ARHGAP6: variants seen among roughly 807,000 people sequenced by gnomAD.
ARHGAP6 encodes rho GTPase-activating protein 6.
ARHGAP6 carries 16 observed loss-of-function variants against 55.7 expected under a neutral mutation model. The observed-to-expected ratio is 0.29, with a 90% CI of 0.19 to 0.44. The LOEUF (loss-of-function observed/expected upper bound fraction) is 0.44, where lower values mean the gene tolerates loss of function less well. Among genes scored for constraint, ARHGAP6 ranks in the 20% least tolerant of loss-of-function variants. The pLI is 1.00. For missense variants in ARHGAP6, 698 were observed against 808.9 expected (o/e 0.86, Z 1.66); for synonymous variants, 382 against 360.9 (o/e 1.06, Z -0.66).
chrX:11,211,320 C>G (rs371402374), intron 2 of ARHGAP6, among the ~76,000 whole-genome samples: 1 of 103,555 alleles, frequency 9.7e-6, no homozygotes, highest in East Asian at 3.0e-4. Flanking sequence ...CTCCTGGGTT[C>G]ACGCCATTCT....
At chrX:11,620,485 C>A (rs2052215132) in intron 1 of ARHGAP6, among the ~76,000 whole-genome samples, 1 of 112,376 alleles carries the variant, frequency 8.9e-6, no homozygotes, top group Admixed American at 9.4e-5. Context: ...GAAGCCAAAG[C>A]CTGATGGGTG....
At chrX:11,473,108 G>A (rs1015315174) in intron 1 of ARHGAP6, among the ~76,000 whole-genome samples, 3 of 111,181 alleles carry the variant, frequency 2.7e-5, no homozygotes, top group Non-Finnish European at 3.8e-5. Context: ...TCTCTCGGGA[G>A]CTAAAGCTGA....
chrX:11,443,297 G>T (rs1197776081), intron 1 of ARHGAP6, among the ~76,000 whole-genome samples: 1 of 111,376 alleles, frequency 9.0e-6, no homozygotes, highest in African/African-American at 3.3e-5. Flanking sequence ...TTCTATTGTT[G>T]ATAGACATTT....
intron 10 of ARHGAP6, among the ~76,000 whole-genome samples, chrX:11,152,974 T>C (rs1014502795): frequency 2.7e-5 from 3 of 111,666 alleles, no homozygotes; most frequent in Admixed American, 9.5e-5. Context: ...GGCTGGTGAG[T>C]CTGACAGCCA....
At chrX:11,207,395 T>A (rs901980506) in intron 2 of ARHGAP6, among the ~76,000 whole-genome samples, 1 of 111,895 alleles carries the variant, frequency 8.9e-6, no homozygotes, top group African/African-American at 3.2e-5. Flanking sequence ...TGCTCTAAAT[T>A]GTTTGTTTGT....
chrX:11,355,771 T>C (rs1456545948), intron 1 of ARHGAP6, among the ~76,000 whole-genome samples: 1 of 110,155 alleles, frequency 9.1e-6, no homozygotes, highest in Non-Finnish European at 1.9e-5. Flanking sequence ...TGTCAATGAG[T>C]GATATGAGGA....
chrX:11,293,838 C>CCAAA (rs955858870), intron 1 of ARHGAP6, among the ~76,000 whole-genome samples: 3 of 111,121 alleles, frequency 2.7e-5, no homozygotes, highest in Non-Finnish European at 5.7e-5. Context: ...TCTCATTAAC[C>CCAAA]CAAACAAACA....
At chrX:11,570,652 C>T (rs2051503406) in intron 1 of ARHGAP6, among the ~76,000 whole-genome samples, 1 of 111,429 alleles carries the variant, frequency 9.0e-6, no homozygotes, top group Non-Finnish European at 1.9e-5. Flanking sequence ...AGACTTGATC[C>T]AGATCTGTTT....
intron 1 of ARHGAP6, among the ~76,000 whole-genome samples, chrX:11,581,707 G>A (rs779542215): frequency 1.2e-4 from 13 of 111,332 alleles, no homozygotes; most frequent in African/African-American, 2.9e-4. Context: ...TGAAATGTCC[G>A]GAATAGGCAA....
chrX:11,329,028 T>A (rs1358415846), intron 1 of ARHGAP6, among the ~76,000 whole-genome samples: 1 of 112,359 alleles, frequency 8.9e-6, no homozygotes, highest in African/African-American at 3.2e-5. Context: ...GGTGACTCAT[T>A]AGAAAAGGCA....
At chrX:11,246,892 G>T (rs1234302240) in intron 2 of ARHGAP6, among the ~76,000 whole-genome samples, 2 of 112,017 alleles carry the variant, frequency 1.8e-5, no homozygotes, top group Non-Finnish European at 3.8e-5. Context: ...CTTCAACTGG[G>T]CATTGCCAGA....
chrX:11,375,367 C>A lies in ARHGAP6; in HGVS notation c.589-120660G>T, dbSNP rs552555644. On this transcript the variant is annotated intron_variant, in intron 1 of 12. Transcript: ENST00000337414. ...TAAATATAAGTTGAAAAAGCAATGA[C>A]ATGAAACATTTATATTTGAAGGGCT... Among the ~76,000 whole-genome samples the A allele has an allele frequency of 3.5e-4, 39 of 112,231 alleles. No individual in the cohort carries two copies. In the South Asian group the frequency reaches 0.014, roughly 40 times the overall value.
chrX:11,518,446 ATTTTCTTTTTT>A (rs1410315850), intron 1 of ARHGAP6, among the ~76,000 whole-genome samples: 5 of 86,864 alleles, frequency 5.8e-5, no homozygotes, highest in Non-Finnish European at 9.1e-5. Flanking sequence ...GCCTGGCCCA[ATTTTCTTTTTT>A]TTTTCTTTTT....
At chrX:11,662,230 G>T (rs1354608260) in intron 1 of ARHGAP6, among the ~76,000 whole-genome samples, 3 of 111,968 alleles carry the variant, frequency 2.7e-5, no homozygotes, top group Non-Finnish European at 3.8e-5. Context: ...CATTTTCTTG[G>T]TTTTTCAGAG....
chrX:11,631,939 G>A (rs773379229), intron 1 of ARHGAP6, among the ~76,000 whole-genome samples: 11 of 111,977 alleles, frequency 9.8e-5, no homozygotes, highest in Admixed American at 8.5e-4. Flanking sequence ...AAAAATGCAT[G>A]TATGAAAGGC....
At chrX:11,450,377 A>G (rs1049860709) in intron 1 of ARHGAP6, among the ~76,000 whole-genome samples, 12 of 112,119 alleles carry the variant, frequency 1.1e-4, no homozygotes, top group Admixed American at 5.7e-4. Flanking sequence ...CAAACGTGTC[A>G]TTTCAACGTG....
chrX:11,304,743 C>T (rs899954907), intron 1 of ARHGAP6, among the ~76,000 whole-genome samples: 178 of 106,089 alleles, frequency 1.7e-3, no homozygotes, highest in Non-Finnish European at 3.0e-3. Flanking sequence ...TCAGCTAATT[C>T]CACATTATAA....
At chrX:11,395,072 C>T (rs980890979) in intron 1 of ARHGAP6, among the ~76,000 whole-genome samples, 6 of 111,986 alleles carry the variant, frequency 5.4e-5, no homozygotes, top group African/African-American at 1.9e-4. Flanking sequence ...TGGACTAAGG[C>T]CATGCATTTT....
intron 1 of ARHGAP6, among the ~76,000 whole-genome samples, chrX:11,319,913 T>C (rs2048410090): frequency 8.9e-6 from 1 of 112,285 alleles, no homozygotes; most frequent in Non-Finnish European, 1.9e-5. Flanking sequence ...AAACAAACCC[T>C]TGACAGAGCA....
Sources: allele counts gnomAD v4.1 joint callset (sites outside exome capture counted in the v4.1 genomes callset), GRCh38; gene constraint gnomAD v4.1.1; transcripts MANE v1.5; gene names NCBI Gene and HGNC (gene_info 2026-07-23, HGNC 2026-07-21).